GPD2: variants seen among roughly 807,000 people sequenced by gnomAD.
GPD2 encodes glycerol-3-phosphate dehydrogenase, mitochondrial.
In GPD2, 54 loss-of-function variants were observed where a neutral mutation model predicts 82.4. That is an observed-to-expected ratio of 0.66 (90% confidence interval 0.53 to 0.82). The LOEUF is 0.82. GPD2 is among the 40% of genes least tolerant of loss of function. The pLI is 0.00. For missense variants in GPD2, 748 were observed against 896.2 expected (o/e 0.83, Z 2.11); for synonymous variants, 288 against 306.1 (o/e 0.94, Z 0.62).
intron 1 of GPD2, among the ~76,000 whole-genome samples, chr2:156,452,893 T>G (rs569249916): frequency 8.5e-5 from 13 of 152,048 alleles, no homozygotes; most frequent in Non-Finnish European, 1.6e-4. Context: ...AGTACAGAGG[T>G]GGATAAGTCA....
intron 9 of GPD2, among the ~76,000 whole-genome samples, chr2:156,564,932 T>C (rs1274081435): frequency 6.6e-6 from 1 of 152,132 alleles, no homozygotes. Flanking sequence ...TTTTTTATTT[T>C]TGACTATCAA....
In GPD2 at chr2:156,549,614, A is replaced by G; in HGVS notation, c.668A>G (p.His223Arg). 1 of 1,614,060 alleles carries G rather than the reference A, an allele frequency of 6.2e-7. No homozygotes were observed. Among genetic ancestry groups the G allele is most frequent in the Non-Finnish European group, 8.5e-7 (1 of 1,179,924 alleles). ...GATGCTTTCCCCGCTGCAGGACAACATAACGATGCACGGATGAACCTTGCC... is the reference window on the plus strand; with the variant it reads ...GATGCTTTCCCCGCTGCAGGACAACGTAACGATGCACGGATGAACCTTGCC... ...VGAIVYYDGQHNDARMNLAIA... is the reference protein window; with the variant it reads ...VGAIVYYDGQRNDARMNLAIA... The change falls in exon 7 of 17, where the codon CAT (histidine) becomes CGT (arginine). Residue 223 changes from histidine (H) to arginine (R), a missense_variant. By Grantham distance (29) the His-to-Arg change is conservative. Around this residue, in one of 3 missense-constraint regions of GPD2, gnomAD observed 692 missense variants for 809.7 expected, o/e 0.85. Coordinates refer to ENST00000438166, the MANE Select transcript of GPD2 (RefSeq NM_000408.5).
chr2:156,525,276 G>C (rs374338429), intron 6 of GPD2, among the ~76,000 whole-genome samples: 2 of 152,328 alleles, frequency 1.3e-5, no homozygotes, highest in African/African-American at 4.8e-5. Flanking sequence ...ACTTCCTGCA[G>C]TTGGCCCCTG....
At chr2:156,403,783 T>C in the GPD2 span, among the ~76,000 whole-genome samples, 1 of 152,216 alleles carries the variant, frequency 6.6e-6, no homozygotes, top group African/African-American at 2.4e-5. Flanking sequence ...AGCAGGTGTG[T>C]AAAACAGGTC....
intron 1 of GPD2, chr2:156,473,721 C>G (rs1286632624): frequency 6.6e-6 from 1 of 152,212 alleles, no homozygotes; most frequent in Non-Finnish European, 1.5e-5. Flanking sequence ...CATGCTATCT[C>G]TTGGCTGCTA....
chr2:156,433,968 C>T (rs1456479349), upstream of GPD2, among the ~76,000 whole-genome samples: 1 of 151,924 alleles, frequency 6.6e-6, no homozygotes, highest in Non-Finnish European at 1.5e-5. Context: ...TTCTGGGTAA[C>T]ATGTTGCATT....
At chr2:156,460,286 G>T (rs969333739) in intron 1 of GPD2, among the ~76,000 whole-genome samples, 1 of 152,192 alleles carries the variant, frequency 6.6e-6, no homozygotes, top group African/African-American at 2.4e-5. Context: ...TGCTCAGTCA[G>T]AGTGTTCCTT....
chr2:156,404,973 A>C, the GPD2 span, among the ~76,000 whole-genome samples: 1 of 152,238 alleles, frequency 6.6e-6, no homozygotes, highest in Admixed American at 6.5e-5. Flanking sequence ...TGTTGGAATA[A>C]GGTAAACTCT....
rs1235043611 is a variant in GPD2 at position 156,550,766 on chromosome 2, G to T, written c.971+20G>T. ...TTACAGGTAATTGTCTTCCAATGTG[G>T]CAGTTGTCACCCAAAAAAGAGGGTC... On this transcript the variant is annotated intron_variant, in intron 8 of 16. Coordinates refer to ENST00000438166, the MANE Select transcript of GPD2 (RefSeq NM_000408.5). 1.2e-6 allele frequency: 2 copies of T among 1,607,920 alleles called. No individual in the cohort carries two copies. Among genetic ancestry groups the T allele is most frequent in the Admixed American group, 1.7e-5 (1 of 59,978 alleles).
At chr2:156,451,468 G>T (rs1199678570) in intron 1 of GPD2, among the ~76,000 whole-genome samples, 3 of 41,048 alleles carry the variant, frequency 7.3e-5, no homozygotes, top group Non-Finnish European at 1.5e-4. Flanking sequence ...CGGGCGGGGG[G>T]CTGACCCCCC....
At chr2:156,429,879 C>A in the GPD2 span, among the ~76,000 whole-genome samples, 1 of 152,146 alleles carries the variant, frequency 6.6e-6, no homozygotes, top group African/African-American at 2.4e-5. Flanking sequence ...TGGTCTGATC[C>A]TGCTCAAGGA....
intron 6 of GPD2, among the ~76,000 whole-genome samples, chr2:156,543,260 A>C (rs1162515065): frequency 6.6e-6 from 1 of 152,176 alleles, no homozygotes; most frequent in African/African-American, 2.4e-5. Flanking sequence ...GACTGTTCTT[A>C]GACTCTTTAA....
intron 1 of GPD2, among the ~76,000 whole-genome samples, chr2:156,455,706 T>C (rs1487589478): frequency 1.3e-5 from 2 of 152,128 alleles, no homozygotes; most frequent in East Asian, 3.9e-4. Flanking sequence ...GCCTTCTCTT[T>C]CCTTCAGGGG....
intron 2 of GPD2, among the ~76,000 whole-genome samples, chr2:156,488,221 A>G (rs1684018211): frequency 6.6e-6 from 1 of 152,360 alleles, no homozygotes; most frequent in South Asian, 2.1e-4. Flanking sequence ...AGTGCAGGAA[A>G]AAAAATGTCA....
intron 6 of GPD2, among the ~76,000 whole-genome samples, chr2:156,535,426 GA>G (rs1333855545): frequency 5.4e-4 from 43 of 78,972 alleles, no homozygotes; most frequent in African/African-American, 1.7e-3. Flanking sequence ...CTAGGAAAGA[GA>G]GGGGGGTGGG....
intron 1 of GPD2, among the ~76,000 whole-genome samples, chr2:156,451,235 G>A (rs955697980): frequency 3.4e-4 from 51 of 152,060 alleles, no homozygotes; most frequent in Non-Finnish European, 1.0e-4. Context: ...TCCCAGTAGG[G>A]GTGGCCGGGC....
intron 1 of GPD2, among the ~76,000 whole-genome samples, chr2:156,443,465 G>C (rs1383516958): frequency 6.6e-6 from 1 of 152,164 alleles, no homozygotes; most frequent in Non-Finnish European, 1.5e-5. Context: ...AGTGTGCTGG[G>C]TGTGATTGGA....
At chr2:156,503,668 A>G (rs1289957305) in intron 3 of GPD2, among the ~76,000 whole-genome samples, 1 of 152,174 alleles carries the variant, frequency 6.6e-6, no homozygotes, top group African/African-American at 2.4e-5. Context: ...AGTTGTGAAG[A>G]ATGAGTGCTA....
At chr2:156,437,606 A>G (rs766066649) in intron 1 of GPD2, among the ~76,000 whole-genome samples, 2 of 152,208 alleles carry the variant, frequency 1.3e-5, no homozygotes. Context: ...GTGAAATAAT[A>G]CAGCAATATT....
Sources: gnomAD v4.1 joint callset for allele counts (sites outside exome capture counted in the v4.1 genomes callset) on GRCh38, gnomAD v4.1.1 for gene constraint, gnomAD v4.1.1 regional missense constraint, MANE v1.5 for transcripts, NCBI Gene and HGNC (gene_info 2026-07-23, HGNC 2026-07-21) for gene names.